Variants in KCNMA1 observed in about 807,000 individuals in gnomAD.
KCNMA1 encodes the protein potassium calcium-activated channel subfamily M alpha 1, also known as Calcium-activated potassium channel subunit alpha-1.
In KCNMA1, 29 loss-of-function variants were observed where a neutral mutation model predicts 140.0. That is an observed-to-expected ratio of 0.21 (90% confidence interval 0.15 to 0.28). The LOEUF is 0.28. Among genes scored for constraint, KCNMA1 ranks in the 10% least tolerant of loss-of-function variants. KCNMA1 has a pLI of 1.00. For missense variants in KCNMA1, 880 were observed against 1,602.2 expected (o/e 0.55, Z 7.70); for synonymous variants, 612 against 611.9 (o/e 1.00, Z 0.00).
intron 2 of KCNMA1, among the ~76,000 whole-genome samples, chr10:77,277,457 A>C (rs2066994883): frequency 6.6e-6 from 1 of 152,170 alleles, no homozygotes; most frequent in Non-Finnish European, 1.5e-5. Flanking sequence ...AGGGAAAGGA[A>C]GACCTCAGCA....
chr10:77,117,494 A>C (rs2097503289), intron 6 of KCNMA1, among the ~76,000 whole-genome samples: 3 of 132,606 alleles, frequency 2.3e-5, no homozygotes, highest in African/African-American at 5.4e-5. Context: ...GGTTGCAGTG[A>C]GCTGAGATCA....
intron 14 of KCNMA1, among the ~76,000 whole-genome samples, chr10:77,043,483 C>T (rs972404914): frequency 6.6e-6 from 1 of 152,154 alleles, no homozygotes; most frequent in African/African-American, 2.4e-5. Flanking sequence ...TTCATAATTC[C>T]ACTTCTAGGC....
chr10:77,289,713 T>C (rs1222038631), intron 2 of KCNMA1, among the ~76,000 whole-genome samples: 1 of 152,220 alleles, frequency 6.6e-6, no homozygotes, highest in Admixed American at 6.5e-5. Context: ...ATTTAATAGA[T>C]ATAGTTTAAA....
chr10:77,442,775 T>TC (rs1247734842), intron 1 of KCNMA1, among the ~76,000 whole-genome samples: 3 of 152,012 alleles, frequency 2.0e-5, no homozygotes, highest in African/African-American at 4.8e-5. Flanking sequence ...TTCTCCACGC[T>TC]CCCCTCCTCC....
At chr10:77,402,617 T>C (rs1161139910) in intron 2 of KCNMA1, among the ~76,000 whole-genome samples, 1 of 152,182 alleles carries the variant, frequency 6.6e-6, no homozygotes, top group African/African-American at 2.4e-5. Flanking sequence ...CACAAAAGTG[T>C]GTGTGATATT....
chr10:77,087,443 A>T (rs184114181), intron 10 of KCNMA1, among the ~76,000 whole-genome samples: 2 of 152,246 alleles, frequency 1.3e-5, no homozygotes, highest in Admixed American at 1.3e-4. Context: ...TAATACAATC[A>T]AGGATTAGCC....
intron 1 of KCNMA1, among the ~76,000 whole-genome samples, chr10:77,484,877 G>A (rs1433465744): frequency 6.6e-6 from 1 of 152,202 alleles, no homozygotes; most frequent in Non-Finnish European, 1.5e-5. Context: ...AAGCTAATGT[G>A]AGCATCCTGT....
At chr10:76,931,576 G>A (rs2059291024) in intron 23 of KCNMA1, among the ~76,000 whole-genome samples, 1 of 151,882 alleles carries the variant, frequency 6.6e-6, no homozygotes, top group Non-Finnish European at 1.5e-5. Flanking sequence ...ACTAGGTGGA[G>A]TAGCATGGGT....
At chr10:77,323,309 C>T (rs2082902762) in intron 2 of KCNMA1, among the ~76,000 whole-genome samples, 1 of 152,210 alleles carries the variant, frequency 6.6e-6, no homozygotes, top group Admixed American at 6.5e-5. Context: ...CTCATTTGTA[C>T]ACCAAGACTC....
chr10:77,625,811 G>A (rs1378447271), intron 1 of KCNMA1, among the ~76,000 whole-genome samples: 1 of 152,120 alleles, frequency 6.6e-6, no homozygotes, highest in African/African-American at 2.4e-5. Flanking sequence ...TGTGAACATG[G>A]GTGTACAAAT....
intron 3 of KCNMA1, among the ~76,000 whole-genome samples, chr10:77,237,519 G>A (rs1232323740): frequency 1.3e-5 from 2 of 152,142 alleles, no homozygotes; most frequent in Non-Finnish European, 2.9e-5. Flanking sequence ...ACACAGTGGT[G>A]CAACCAGGGC....
chr10:77,410,007 G>A (rs568247055), intron 1 of KCNMA1, among the ~76,000 whole-genome samples: 4 of 152,044 alleles, frequency 2.6e-5, no homozygotes, highest in Non-Finnish European at 4.4e-5. Context: ...CTTTACAAAC[G>A]GCAGGCAAGT....
chr10:77,354,027 G>C (rs1326515359), intron 2 of KCNMA1, among the ~76,000 whole-genome samples: 1 of 151,068 alleles, frequency 6.6e-6, no homozygotes, highest in Non-Finnish European at 1.5e-5. Context: ...CTGTCACCCA[G>C]GCTGGAGTTC....
intron 1 of KCNMA1, among the ~76,000 whole-genome samples, chr10:77,445,393 CACAT>C (rs1268829695): frequency 6.3e-5 from 9 of 143,082 alleles, no homozygotes; most frequent in African/African-American, 1.5e-4. Flanking sequence ...CACACACACA[CACAT>C]ATGAAAAATA....
At chr10:77,313,376 C>T (rs898022794) in intron 2 of KCNMA1, among the ~76,000 whole-genome samples, 1 of 152,132 alleles carries the variant, frequency 6.6e-6, no homozygotes, top group Non-Finnish European at 1.5e-5. Context: ...CTTCTCTTCC[C>T]CTTAAGCCAC....
chr10:77,501,952 T>A (rs2044069750), intron 1 of KCNMA1, among the ~76,000 whole-genome samples: 1 of 152,214 alleles, frequency 6.6e-6, no homozygotes, highest in South Asian at 2.1e-4. Context: ...TGGCTGACTG[T>A]GTGTCATCAT....
intron 2 of KCNMA1, among the ~76,000 whole-genome samples, chr10:77,335,449 A>T (rs897889851): frequency 6.6e-6 from 1 of 152,228 alleles, no homozygotes; most frequent in Non-Finnish European, 1.5e-5. Context: ...CAACCCTAGC[A>T]TCCATCAGAC....
At chr10:77,446,356 T>C (rs982596848) in intron 1 of KCNMA1, among the ~76,000 whole-genome samples, 2 of 152,230 alleles carry the variant, frequency 1.3e-5, no homozygotes, top group African/African-American at 2.4e-5. Flanking sequence ...AAATATGGGT[T>C]GCCTAGCTGG....
At chr10:77,264,398 C>T (rs1030874644) in intron 2 of KCNMA1, among the ~76,000 whole-genome samples, 1 of 152,192 alleles carries the variant, frequency 6.6e-6, no homozygotes, top group Non-Finnish European at 1.5e-5. Context: ...CTCCTTCAGC[C>T]TCACACTTTT....
Sources: gnomAD v4.1 joint callset for allele counts (sites outside exome capture counted in the v4.1 genomes callset) on GRCh38, gnomAD v4.1.1 for gene constraint, MANE v1.5 for transcripts, NCBI Gene and HGNC (gene_info 2026-07-23, HGNC 2026-07-21) for gene names.